Variants in ADAMTS17 observed in about 807,000 individuals in gnomAD.
ADAMTS17 encodes the protein ADAM metallopeptidase with thrombospondin type 1 motif 17.
Under a neutral mutation model 141.5 loss-of-function variants are expected in ADAMTS17, and 113 were observed. That is an observed-to-expected ratio of 0.80 (90% CI 0.69 to 0.93). ADAMTS17 has a LOEUF of 0.93. ADAMTS17 is among the 40% of genes least tolerant of loss of function. The pLI, the probability that ADAMTS17 is intolerant of heterozygous loss-of-function variation, is 0.00. For missense variants in ADAMTS17, 1,659 were observed against 1,517.9 expected (o/e 1.09, Z -1.54); for synonymous variants, 768 against 630.6 (o/e 1.22, Z -3.27).
chr15:100,137,592 G>A (rs1042506200), intron 10 of ADAMTS17, among the ~76,000 whole-genome samples: 20 of 152,156 alleles, frequency 1.3e-4, no homozygotes, highest in South Asian at 2.1e-4. Flanking sequence ...GGCAGACAGG[G>A]CTGCTCTTCC....
chr15:100,243,188 C>T (rs1471159237), intron 7 of ADAMTS17, among the ~76,000 whole-genome samples: 1 of 152,182 alleles, frequency 6.6e-6, no homozygotes, highest in Non-Finnish European at 1.5e-5. Flanking sequence ...AGTAATACTC[C>T]ACTGTGTGGA....
chr15:100,280,406 C>T (rs373783974), intron 4 of ADAMTS17, among the ~76,000 whole-genome samples: 3 of 152,124 alleles, frequency 2.0e-5, no homozygotes, highest in East Asian at 1.9e-4. Flanking sequence ...CCCACACTCA[C>T]GCCAGCCCCA....
At chr15:100,153,947 G>A (rs570329746) in intron 9 of ADAMTS17, among the ~76,000 whole-genome samples, 77 of 152,300 alleles carry the variant, frequency 5.1e-4, no homozygotes, top group African/African-American at 1.5e-3. Context: ...TTGGGAGGCC[G>A]AGGCAGGCAG....
At chr15:100,160,479 T>C (rs1567280442) in intron 8 of ADAMTS17, among the ~76,000 whole-genome samples, 1 of 152,336 alleles carries the variant, frequency 6.6e-6, no homozygotes, top group South Asian at 2.1e-4. Context: ...TCATGAGCTT[T>C]CTCAGTAGAC....
intron 15 of ADAMTS17, among the ~76,000 whole-genome samples, chr15:100,088,583 C>A (rs1379639005): frequency 6.6e-6 from 1 of 152,052 alleles, no homozygotes; most frequent in Non-Finnish European, 1.5e-5. Flanking sequence ...TACCTGACTT[C>A]AAACTATACT....
chr15:100,217,126 G>A (rs1038760140), intron 7 of ADAMTS17, among the ~76,000 whole-genome samples: 2 of 152,080 alleles, frequency 1.3e-5, no homozygotes, highest in African/African-American at 4.8e-5. Context: ...AAATAAACAG[G>A]AGACTTCATG....
At position 100,108,940 on chromosome 15, in the gene ADAMTS17, G is replaced by A; in HGVS notation, c.2016+49C>T. ...ACCCCACTCCCTGTCTGGGGAGAGT[G>A]AGTCTCCTCTCCAAAGCCCCACCAA... On this transcript the variant is annotated intron_variant, in intron 14 of 21. Coordinates refer to ENST00000268070, the MANE Select transcript of ADAMTS17 (RefSeq NM_139057.4). 7 of 1,611,092 alleles carry A rather than the reference G, an allele frequency of 4.3e-6. 1 individual carries two copies. The highest frequency in any genetic ancestry group is 2.2e-5 in the East Asian group (1 of 44,814).
rs1455255113 is a variant in ADAMTS17, at chr15:99,976,120, C to A, written c.3052G>T (p.Ala1018Ser). Residue 1018 changes from alanine (A) to serine (S), a missense_variant, in exon 21 of 22, where the codon GCC becomes TCC. By Grantham distance (99) the Ala-to-Ser change is moderately conservative. Transcript: ENST00000268070. ...GSECPALSKP[A>S]PYRQCYQEVC... ...TCCTGGTAGCACTGTCTGTAGGGGG[C>A]AGGCTTCGAGAGGGCGGGGCACTCG... 3 of 1,551,368 alleles carry A rather than the reference C, an allele frequency of 1.9e-6. No individual in the cohort carries two copies. Among genetic ancestry groups the A allele is most frequent in the African/African-American group, 1.4e-5 (1 of 73,180 alleles).
intron 7 of ADAMTS17, among the ~76,000 whole-genome samples, chr15:100,221,336 C>T (rs571376359): frequency 2.0e-5 from 3 of 151,860 alleles, no homozygotes; most frequent in Admixed American, 6.6e-5. Context: ...TCTTGAGTCC[C>T]GCATAGCATA....
intron 20 of ADAMTS17, among the ~76,000 whole-genome samples, chr15:99,977,401 A>ATATATATT (rs2060384375): frequency 1.9e-4 from 1 of 5,154 alleles, no homozygotes; most frequent in Non-Finnish European, 3.6e-4. Context: ...TATATATATA[A>ATATATATT]TTTTTTTTTT....
chr15:100,336,256 G>A (rs1048774645), intron 2 of ADAMTS17, among the ~76,000 whole-genome samples: 1 of 152,230 alleles, frequency 6.6e-6, no homozygotes, highest in African/African-American at 2.4e-5. Context: ...AGCTGCAGCT[G>A]GATGAAGCCC....
intron 13 of ADAMTS17, among the ~76,000 whole-genome samples, chr15:100,110,092 T>G (rs896517947): frequency 1.3e-5 from 2 of 148,936 alleles, no homozygotes; most frequent in African/African-American, 5.1e-5. Flanking sequence ...TGTGAACTCT[T>G]AGAGGGCAGG....
chr15:100,195,080 T>G (rs909132517), intron 8 of ADAMTS17, among the ~76,000 whole-genome samples: 1 of 152,270 alleles, frequency 6.6e-6, no homozygotes, highest in African/African-American at 2.4e-5. Flanking sequence ...AGGTAGCACA[T>G]GGCTGCCCAT....
At chr15:100,272,413 T>C (rs542152674) in intron 4 of ADAMTS17, among the ~76,000 whole-genome samples, 1 of 152,122 alleles carries the variant, frequency 6.6e-6, no homozygotes, top group East Asian at 1.9e-4. Context: ...CTATCCCTTA[T>C]TTGGTTAATT....
intron 10 of ADAMTS17, among the ~76,000 whole-genome samples, chr15:100,138,689 G>T (rs1365191991): frequency 1.3e-5 from 2 of 152,198 alleles, no homozygotes; most frequent in Non-Finnish European, 2.9e-5. Flanking sequence ...CAGAAGGAGA[G>T]AATAGAAAGA....
At chr15:100,319,533 A>G (rs1281927287) in intron 3 of ADAMTS17, among the ~76,000 whole-genome samples, 1 of 152,042 alleles carries the variant, frequency 6.6e-6, no homozygotes, top group Non-Finnish European at 1.5e-5. Context: ...ACATGGCGAA[A>G]CCCCGTCTCT....
intron 12 of ADAMTS17, among the ~76,000 whole-genome samples, chr15:100,117,584 T>A (rs1382711417): frequency 6.6e-6 from 1 of 152,150 alleles, no homozygotes; most frequent in Non-Finnish European, 1.5e-5. Context: ...CCACACATGG[T>A]CAATGCTATG....
intron 15 of ADAMTS17, among the ~76,000 whole-genome samples, chr15:100,073,361 C>T: frequency 6.6e-6 from 1 of 152,178 alleles, no homozygotes; most frequent in Non-Finnish European, 1.5e-5. Context: ...GTGGCGATTC[C>T]TCAGAGATCT....
chr15:100,274,389 T>C (rs1188576048), intron 4 of ADAMTS17, among the ~76,000 whole-genome samples: 2 of 152,246 alleles, frequency 1.3e-5, no homozygotes, highest in African/African-American at 2.4e-5. Flanking sequence ...TATATCTTCT[T>C]ATATATTGGA....
Sources: allele counts gnomAD v4.1 joint callset (sites outside exome capture counted in the v4.1 genomes callset), GRCh38; gene constraint gnomAD v4.1.1; transcripts MANE v1.5; gene names NCBI Gene and HGNC (gene_info 2026-07-23, HGNC 2026-07-21).